ZKSCAN2: variants seen among roughly 807,000 people sequenced by gnomAD.
ZKSCAN2 encodes the protein zinc finger with KRAB and SCAN domains 2.
In ZKSCAN2, 38 loss-of-function variants were observed where a neutral mutation model predicts 90.5. That is an observed-to-expected ratio of 0.42 (90% CI 0.32 to 0.55). The LOEUF (loss-of-function observed/expected upper bound fraction) is 0.55, where lower values mean the gene tolerates loss of function less well. Among genes scored for constraint, ZKSCAN2 ranks in the 20% least tolerant of loss-of-function variants. The probability of loss-of-function intolerance (pLI) is 0.11; values close to 1 mark genes in which losing one functional copy is unlikely to be tolerated. For missense variants in ZKSCAN2, 1,167 were observed against 1,202.6 expected, an observed-to-expected ratio of 0.97 and a Z score of 0.44; for synonymous variants, 429 against 421.6, an observed-to-expected ratio of 1.02 and a Z score of -0.22.
chr16:25,241,926 G>A (rs538566620), intron 6 of ZKSCAN2, among the ~76,000 whole-genome samples: 1 of 152,316 alleles, frequency 6.6e-6, no homozygotes, highest in Admixed American at 6.5e-5. Flanking sequence ...CTGGAGTGCA[G>A]TGGCATGATC....
At chr16:25,252,853 G>A in intron 3 of ZKSCAN2, 93 bp downstream of exon 3, 1 of 1,003,056 alleles carries the variant, frequency 1.0e-6, no homozygotes, top group South Asian at 1.3e-5. Flanking sequence ...AGGCAGAGGT[G>A]GTTGCAGTGA....
chr16:25,253,263 G>A (rs1963047784), intron 2 of ZKSCAN2, among the ~76,000 whole-genome samples: 1 of 152,172 alleles, frequency 6.6e-6, no homozygotes, highest in Non-Finnish European at 1.5e-5. Flanking sequence ...AAGGGGACCA[G>A]GTAAGGACTG....
intron 1 of ZKSCAN2, among the ~76,000 whole-genome samples, chr16:25,255,765 TAG>T (rs1471982923): frequency 6.6e-6 from 1 of 152,138 alleles, no homozygotes; most frequent in Admixed American, 6.6e-5. Flanking sequence ...ATTTTTTTAG[TAG>T]AGATGGGGTT....
chr16:25,251,678 G>C (rs939028479), intron 4 of ZKSCAN2, among the ~76,000 whole-genome samples: 2 of 152,122 alleles, frequency 1.3e-5, no homozygotes, highest in Admixed American at 1.3e-4. Context: ...ATACAAATAT[G>C]ATAGTCATAT....
chr16:25,241,444 T>C (rs1021549320), intron 6 of ZKSCAN2, among the ~76,000 whole-genome samples: 9 of 152,210 alleles, frequency 5.9e-5, no homozygotes, highest in Non-Finnish European at 1.2e-4. Context: ...AACTGTGTGA[T>C]TTTTGTATTA....
At position 25,256,799 on chromosome 16, in the gene ZKSCAN2, G is replaced by C. The variant is rs746643483; in HGVS notation, c.329C>G (p.Pro110Arg). 6.2e-7 allele frequency: 1 copy of C among 1,614,016 alleles called. No homozygotes were observed. The highest frequency in any genetic ancestry group is 1.1e-5 in the South Asian group (1 of 91,054). ...GGCCACCGCTTCCTCTCCACTTTGC[G>C]GACACTGCTTCTGTGCCCAAGCCTG... ...KIQAWAQKQC[P>R]QSGEEAVALV... is the part of the protein sequence containing the mutation. Residue 110 changes from proline (P) to arginine (R), a missense_variant, in exon 1 of 7, where the codon CCG becomes CGG. Transcript: ENST00000328086.
In ZKSCAN2 at chr16:25,256,958, G is replaced by A. The variant is rs1157049099; in HGVS notation, c.170C>T (p.Thr57Ile). 1.2e-6 allele frequency: 2 copies of A among 1,614,262 alleles called. No homozygotes were observed. Among genetic ancestry groups the A allele is most frequent in the South Asian group, 2.2e-5 (2 of 91,088 alleles). Residue 57 changes from threonine (T) to isoleucine (I), a missense_variant, in exon 1 of 7, where the codon ACT becomes ATT. Transcript: ENST00000328086. ...TTTACTGAAAGCTTCATGGGGTCCA[G>A]TCACATCCTCATAACAGAATTGCCT... is the stretch of plus-strand genomic sequence containing the variant. ...CFRQFCYEDV[T>I]GPHEAFSKLW... is the part of the protein sequence containing the mutation.
At chr16:25,243,715 A>T in intron 6 of ZKSCAN2, 70 bp downstream of exon 6, 2 of 1,497,262 alleles carry the variant, frequency 1.3e-6, no homozygotes, top group Non-Finnish European at 1.8e-6. Flanking sequence ...TATGTGCAAG[A>T]TCTACTCATT....
At position 25,237,194 on chromosome 16, in the gene ZKSCAN2, A is replaced by G. The variant is rs1341969601; in HGVS notation, c.*2622T>C. Reference sequence around the variant, plus strand: ...CAATGTTATGTGATCTAAAAGACACATTGGTCAGAACATGATTATTCATTT... The same window carrying G: ...CAATGTTATGTGATCTAAAAGACACGTTGGTCAGAACATGATTATTCATTT... On this transcript the variant is annotated 3_prime_UTR_variant, in exon 7 of 7. Coordinates refer to ENST00000328086, the MANE Select transcript of ZKSCAN2 (RefSeq NM_001012981.5). The G allele has an allele frequency of 6.6e-6, 1 of 152,330 alleles. No homozygotes were observed. The highest frequency in any genetic ancestry group is 2.4e-5 in the African/African-American group (1 of 41,466). The allele number at this position is 152,330 out of a possible 1,614,324, so 9.4% of individuals were successfully genotyped here. A position where few individuals can be genotyped will look rare whatever the true frequency, so the allele number is the denominator to read the frequency against.
At chr16:25,244,980 T>C (rs1277866473) in intron 5 of ZKSCAN2, among the ~76,000 whole-genome samples, 1 of 152,224 alleles carries the variant, frequency 6.6e-6, no homozygotes, top group Non-Finnish European at 1.5e-5. Context: ...ACTAGGTGGT[T>C]TCTTCCAGGC....
rs2141362149 is a variant in ZKSCAN2 at position 25,244,166 on chromosome 16, C to T, written c.1600G>A (p.Val534Ile). The T allele has an allele frequency of 1.2e-6, 2 of 1,614,166 alleles. No individual in the cohort carries two copies. The highest frequency in any genetic ancestry group is 4.5e-5 in the East Asian group (2 of 44,884). The change falls in exon 6 of 7, where the codon GTA (valine) becomes ATA (isoleucine). Residue 534 changes from valine (V) to isoleucine (I), a missense_variant. Physicochemically the swap from Val to Ile is conservative, Grantham distance 29. Transcript: ENST00000328086. ...CCGCACTCTCGAAGCTGTTCAGCTA[C>T]AGCCCCATACAATTTGCTCTTCCGA... is the stretch of plus-strand genomic sequence containing the variant. The part of the protein sequence containing the change: ...CHRKSKLYGA[V>I]AEQLRECGFL...
intron 4 of ZKSCAN2, among the ~76,000 whole-genome samples, chr16:25,250,041 T>C (rs1962997199): frequency 6.6e-6 from 1 of 152,208 alleles, no homozygotes. Flanking sequence ...CTGGGCGCAG[T>C]GGCTCACACC....
At chr16:25,248,570 C>A (rs1962972914) in intron 4 of ZKSCAN2, among the ~76,000 whole-genome samples, 1 of 152,124 alleles carries the variant, frequency 6.6e-6, no homozygotes, top group Non-Finnish European at 1.5e-5. Flanking sequence ...CATTGCTAAT[C>A]ATCAGGGAAA....
rs1159318834 is a variant in ZKSCAN2 at position 25,252,975 on chromosome 16, T to G, written c.649A>C (p.Thr217Pro). Reference protein sequence around the residue: ...DEWNTLDQEVTTTRLPAGSQE... With the variant: ...DEWNTLDQEVPTTRLPAGSQE... ...GACCCAGCAGGAAGCCGTGTGGTTG[T>G]CACTTCCTGATCTAGGGTATTCCAT... The change falls in exon 3 of 7, where the codon ACA becomes CCA. Residue 217 changes from threonine to proline, a missense_variant. Physicochemically the swap from Thr to Pro is conservative, Grantham distance 38. Transcript: ENST00000328086. 6.2e-7 allele frequency: 1 copy of G among 1,613,840 alleles called. No individual in the cohort carries two copies. The highest frequency in any genetic ancestry group is 1.3e-5 in the African/African-American group (1 of 74,892).
chr16:25,240,608 G>C lies in ZKSCAN2; in HGVS notation c.2112C>G (p.Arg704=). Residue 704 remains arginine (R), a synonymous_variant, in exon 7 of 7, where the codon CGC becomes CGG. Coordinates refer to ENST00000328086, the MANE Select transcript of ZKSCAN2 (RefSeq NM_001012981.5). ...VSQSTDPSKY[R]KRECISGRQW... is the part of the protein sequence containing the mutation. ...GTCTTCCTGAGATGCATTCCCTTTT[G>C]CGATATTTGCTGGGGTCGGTACTCT... 2 of 1,614,064 alleles carry C rather than the reference G, an allele frequency of 1.2e-6. No individual in the cohort carries two copies. The highest frequency in any genetic ancestry group is 1.1e-5 in the South Asian group (1 of 91,086).
At position 25,257,029 on chromosome 16, in the gene ZKSCAN2, G is replaced by A. The variant is rs1387358497; in HGVS notation, c.99C>T (p.Pro33=). ...CAGAGCTATCCGATCCTTCCAGAATGGGCTCTGATGCCCACTCAGGGTCCT... is the reference window on the plus strand; with the variant it reads ...CAGAGCTATCCGATCCTTCCAGAATAGGCTCTGATGCCCACTCAGGGTCCT... ...VEKDPEWASE[P]ILEGSDSSET... is the part of the protein sequence containing the mutation. The change falls in exon 1 of 7, where the codon CCC becomes CCT. Residue 33 remains proline (P), a synonymous_variant. Transcript: ENST00000328086. 9 of 1,614,184 alleles carry A rather than the reference G, an allele frequency of 5.6e-6. No homozygotes were observed. Among genetic ancestry groups the A allele is most frequent in the Non-Finnish European group, 6.8e-6 (8 of 1,180,022 alleles).
rs757518433 is a variant in ZKSCAN2, at chr16:25,243,968, A to G, written c.1798T>C (p.Ser600Pro). The change falls in exon 6 of 7, where the codon TCA becomes CCA. Residue 600 changes from serine to proline, a missense_variant. By Grantham distance (74) the Ser-to-Pro change is moderately conservative. Transcript: ENST00000328086. ...PSPSTPEEVPSPSRQERGGIE... is the reference protein window; with the variant it reads ...PSPSTPEEVPPPSRQERGGIE... ...CCCCCTCTTTCTTGCCTTGAAGGTG[A>G]TGGGACTTCCTCTGGGGTGCTGGGG... is the stretch of plus-strand genomic sequence containing the variant. The G allele has an allele frequency of 6.2e-6, 10 of 1,613,980 alleles. No homozygotes were observed. In the African/African-American group the frequency reaches 1.3e-4, roughly 22 times the overall value.
In ZKSCAN2 at chr16:25,240,472, G is replaced by A; in HGVS notation, c.2248C>T (p.Leu750Phe). The change falls in exon 7 of 7, where the codon CTT (leucine) becomes TTT (phenylalanine). Residue 750 changes from leucine to phenylalanine, a missense_variant. By Grantham distance (22) the Leu-to-Phe change is conservative. Coordinates refer to ENST00000328086, the MANE Select transcript of ZKSCAN2 (RefSeq NM_001012981.5). ...RPFVGKRPYR[L>F]LKYGESFGRS... is the part of the protein sequence containing the mutation. The stretch of plus-strand genomic sequence containing the variant: ...CCAAAGCTTTCTCCATATTTGAGAA[G>A]TCTGTAGGGTCTCTTCCCCACAAAA... 1 of 1,614,102 alleles carries A rather than the reference G, an allele frequency of 6.2e-7. No individual in the cohort carries two copies.
intron 4 of ZKSCAN2, among the ~76,000 whole-genome samples, chr16:25,250,471 T>A (rs1831539006): frequency 6.6e-6 from 1 of 152,178 alleles, no homozygotes; most frequent in South Asian, 2.1e-4. Flanking sequence ...TGCCAGGGGC[T>A]TGGGTAAGGG....
Sources: allele counts gnomAD v4.1 joint callset (sites outside exome capture counted in the v4.1 genomes callset), GRCh38; gene constraint gnomAD v4.1.1; transcripts MANE v1.5; gene names NCBI Gene and HGNC (gene_info 2026-07-23, HGNC 2026-07-21).